ELP4: variants seen among roughly 807,000 people sequenced by gnomAD.
ELP4 encodes elongator complex protein 4.
Under a neutral mutation model 48.9 loss-of-function variants are expected in ELP4, and 51 were observed. That is an observed-to-expected ratio of 1.04 (90% CI 0.83 to 1.32). ELP4 has a LOEUF of 1.32. ELP4 is among the 40% of genes most tolerant of loss of function. ELP4 has a pLI of 0.00. For missense variants in ELP4, 519 were observed against 514.6 expected (o/e 1.01, Z -0.08); for synonymous variants, 210 against 189.2 (o/e 1.11, Z -0.90).
chr11:31,519,148 A>G (rs1956169409), intron 1 of ELP4, among the ~76,000 whole-genome samples: 2 of 152,182 alleles, frequency 1.3e-5, no homozygotes. Context: ...CTAGTCTAGT[A>G]ATACCGAAAA....
chr11:31,742,180 A>C (rs539939727), intron 9 of ELP4, among the ~76,000 whole-genome samples: 1 of 152,342 alleles, frequency 6.6e-6, no homozygotes, highest in South Asian at 2.1e-4. Context: ...ATGAAGCGAG[A>C]AGAAAAGTTT....
chr11:31,569,334 T>C (rs775845831), intron 3 of ELP4, among the ~76,000 whole-genome samples: 32 of 152,166 alleles, frequency 2.1e-4, no homozygotes, highest in Non-Finnish European at 4.0e-4. Flanking sequence ...GGAGAAAATA[T>C]TCACAAACTG....
chr11:31,553,725 A>AACACACACACACAC lies in ELP4; in HGVS notation c.381+13969_381+13982dup, dbSNP rs56921821. On this transcript the variant is annotated intron_variant, in intron 3 of 9. Transcript: ENST00000640961. The stretch of plus-strand genomic sequence containing the variant: ...TACAATAAATCTCTTTGCACACACA[A>AACACACACACACAC]ACACACACACACACACACACACACA... 4.9e-3 allele frequency among the ~76,000 whole-genome samples: 682 copies of AACACACACACACAC among 140,466 alleles called. 5 individuals carry two copies. The highest frequency in any genetic ancestry group is 0.014 in the African/African-American group (531 of 37,500). The allele number at this position is 140,466 out of a possible 152,430, so 92.2% of individuals were successfully genotyped here.
chr11:31,728,002 T>C (rs1325918236), intron 9 of ELP4: 6 of 152,126 alleles, frequency 3.9e-5, no homozygotes, highest in Non-Finnish European at 8.8e-5. Context: ...AAAGATAAAG[T>C]GCCTGTTACT....
chr11:31,510,341 T>G (rs1408279503), intron 1 of ELP4: 1 of 489,924 alleles, frequency 2.0e-6, no homozygotes, highest in East Asian at 2.9e-5. Flanking sequence ...TGGCTTTCAT[T>G]CAGGATACCT....
intron 9 of ELP4, among the ~76,000 whole-genome samples, chr11:31,692,747 C>G (rs1946306041): frequency 6.6e-6 from 1 of 152,118 alleles, no homozygotes; most frequent in Non-Finnish European, 1.5e-5. Context: ...GCAACAGCCC[C>G]AATGTAACAC....
At chr11:31,614,576 T>G (rs1425205607) in intron 5 of ELP4, among the ~76,000 whole-genome samples, 1 of 152,160 alleles carries the variant, frequency 6.6e-6, no homozygotes, top group Non-Finnish European at 1.5e-5. Context: ...CACAAAATAC[T>G]TATTAACTAC....
chr11:31,692,137 C>T (rs930827927), intron 9 of ELP4, among the ~76,000 whole-genome samples: 2 of 152,126 alleles, frequency 1.3e-5, no homozygotes, highest in African/African-American at 4.8e-5. Context: ...ACTGGAGCTG[C>T]TCTGGTTGAA....
At chr11:31,529,115 G>GAAA (rs35149633) in intron 2 of ELP4, among the ~76,000 whole-genome samples, 2 of 124,808 alleles carry the variant, frequency 1.6e-5, no homozygotes, top group Non-Finnish European at 3.5e-5. Flanking sequence ...GACTCCGTCT[G>GAAA]AAAAAAAAAA....
At chr11:31,731,851 C>T (rs556365637) in intron 9 of ELP4, among the ~76,000 whole-genome samples, 5 of 151,754 alleles carry the variant, frequency 3.3e-5, no homozygotes, top group South Asian at 4.2e-4. Context: ...ATAAGACTAT[C>T]GGTGGATTTC....
At chr11:31,758,039 T>A (rs1187857029) in intron 9 of ELP4, among the ~76,000 whole-genome samples, 1 of 152,204 alleles carries the variant, frequency 6.6e-6, no homozygotes, top group Non-Finnish European at 1.5e-5. Context: ...CCCTGATCAT[T>A]ATAATTTTCT....
intron 9 of ELP4, among the ~76,000 whole-genome samples, chr11:31,717,255 G>A (rs1051803027): frequency 1.3e-5 from 2 of 152,092 alleles, no homozygotes; most frequent in African/African-American, 2.4e-5. Flanking sequence ...CCACTGAAAC[G>A]TAGCATTTTC....
At chr11:31,756,721 T>A (rs925104937) in intron 9 of ELP4, among the ~76,000 whole-genome samples, 7 of 152,144 alleles carry the variant, frequency 4.6e-5, no homozygotes, top group Admixed American at 1.3e-4. Flanking sequence ...GGTTTTAAAG[T>A]TATGTAAGTA....
chr11:31,712,365 A>C (rs1946759666), intron 9 of ELP4, among the ~76,000 whole-genome samples: 1 of 152,132 alleles, frequency 6.6e-6, no homozygotes, highest in Non-Finnish European at 1.5e-5. Flanking sequence ...ATTCTTAATA[A>C]GGCAAAGTTT....
chr11:31,622,247 C>T (rs895361650), intron 5 of ELP4, among the ~76,000 whole-genome samples: 1 of 151,698 alleles, frequency 6.6e-6, no homozygotes, highest in African/African-American at 2.4e-5. Flanking sequence ...TTAACCTTTT[C>T]ACTGATAAAA....
chr11:31,756,670 GAGAA>G (rs1947839476), intron 9 of ELP4, among the ~76,000 whole-genome samples: 1 of 152,138 alleles, frequency 6.6e-6, no homozygotes, highest in Non-Finnish European at 1.5e-5. Context: ...AACATTGGTT[GAGAA>G]AGAAAAGGAA....
chr11:31,763,585 C>T, intron 9 of ELP4: 1 of 1,547,710 alleles, frequency 6.5e-7, no homozygotes, highest in Non-Finnish European at 8.7e-7. Context: ...AAAGCTTCTA[C>T]TGAAAGAGGG....
At chr11:31,718,817 A>G (rs900688707) in intron 9 of ELP4, among the ~76,000 whole-genome samples, 10 of 152,236 alleles carry the variant, frequency 6.6e-5, no homozygotes, top group Non-Finnish European at 1.2e-4. Flanking sequence ...TGACAAAGCT[A>G]TCACATCTGC....
intron 9 of ELP4, among the ~76,000 whole-genome samples, chr11:31,706,761 G>A (rs1434354669): frequency 6.6e-6 from 1 of 151,702 alleles, no homozygotes; most frequent in Admixed American, 6.6e-5. Context: ...TCTAGTACCT[G>A]TGTTCTACTT....
Sources: allele counts gnomAD v4.1 joint callset (sites outside exome capture counted in the v4.1 genomes callset), GRCh38; gene constraint gnomAD v4.1.1; transcripts MANE v1.5; gene names NCBI Gene and HGNC (gene_info 2026-07-23, HGNC 2026-07-21).